Variants in TTC13 observed in about 807,000 individuals in gnomAD.
TTC13 encodes the protein tetratricopeptide repeat protein 13.
In TTC13, 62 loss-of-function variants were observed where a neutral mutation model predicts 120.0. The ratio of observed to expected loss-of-function variants is 0.52; its 90% CI spans 0.42 to 0.64. The LOEUF is 0.64. Among genes scored for constraint, TTC13 ranks in the 30% least tolerant of loss-of-function variants. The pLI is 0.00. For synonymous variants in TTC13, 384 were observed against 393.5 expected, an observed-to-expected ratio of 0.98 and a Z score of 0.28; for missense variants, 824 against 1,050.2, an observed-to-expected ratio of 0.78 and a Z score of 2.98.
At chr1:230,967,885 G>A (rs991506926) in intron 1 of TTC13, among the ~76,000 whole-genome samples, 29 of 152,184 alleles carry the variant, frequency 1.9e-4, no homozygotes, top group African/African-American at 6.3e-4. Context: ...CCTTGCTTAC[G>A]TCGTACAAGT....
rs1321435760 is a variant in TTC13, at chr1:230,912,537, A to T, written c.2229+86T>A. ...CAACCCAATTTCAAGCATAAGATGTACAATCTCAGTGAAAGGGCAGAGGTT... is the reference window on the plus strand; with the variant it reads ...CAACCCAATTTCAAGCATAAGATGTTCAATCTCAGTGAAAGGGCAGAGGTT... On this transcript the variant is annotated intron_variant, in intron 19 of 22. Coordinates refer to ENST00000366661, the MANE Select transcript of TTC13 (RefSeq NM_024525.5). 22 of 1,434,882 alleles carry T rather than the reference A, an allele frequency of 1.5e-5. No individual in the cohort carries two copies. In the Admixed American group the frequency reaches 4.2e-4, roughly 27 times the overall value. 88.9% of individuals were successfully genotyped at this position (1,434,882 alleles called of 1,614,324 possible). A position where few individuals can be genotyped will look rare whatever the true frequency, so the allele number is the denominator to read the frequency against.
At chr1:230,936,751 T>C (rs1674093477) in intron 8 of TTC13, 1 of 154,264 alleles carries the variant, frequency 6.5e-6, no homozygotes, top group African/African-American at 2.4e-5. Context: ...AGACCACCTT[T>C]AGGATATAAA....
chr1:230,973,243 A>G lies in TTC13; in HGVS notation c.271+5317T>C, dbSNP rs149839720. ...CTTCTATTGATTCTCTACCACCTCT[A>G]GGCATAGCAGTGATCTATGTGCTGT... On this transcript the variant is annotated intron_variant, in intron 1 of 22. Transcript: ENST00000366661. Among the ~76,000 whole-genome samples, 278 of 152,348 alleles carry G rather than the reference A, an allele frequency of 1.8e-3. 2 individuals are homozygous for G. The highest frequency in any genetic ancestry group is 6.5e-3 in the African/African-American group (272 of 41,566).
chr1:230,941,941 T>A (rs1050817913), intron 6 of TTC13, among the ~76,000 whole-genome samples: 1 of 152,100 alleles, frequency 6.6e-6, no homozygotes, highest in Non-Finnish European at 1.5e-5. Context: ...TCAGAAAGCA[T>A]GAAAGTGAAA....
intron 20 of TTC13, chr1:230,911,243 T>A (rs1671466373): frequency 3.1e-6 from 1 of 324,078 alleles, no homozygotes. Flanking sequence ...AATGGATGAA[T>A]CCCTATCCTA....
intron 17 of TTC13, among the ~76,000 whole-genome samples, chr1:230,918,426 C>G (rs1672253135): frequency 6.6e-6 from 1 of 152,186 alleles, no homozygotes; most frequent in Non-Finnish European, 1.5e-5. Flanking sequence ...TAGAGAAGGC[C>G]TGCCCCAATT....
At chr1:230,958,189 A>C (rs775823125) in intron 3 of TTC13, 35 bp downstream of exon 3, 1 of 1,604,352 alleles carries the variant, frequency 6.2e-7, no homozygotes, top group Non-Finnish European at 8.5e-7. Context: ...CTTTGAGGCA[A>C]ATATTACAGG....
chr1:230,945,342 G>A (rs1674884955), intron 5 of TTC13, 47 bp downstream of exon 5: 1 of 1,538,616 alleles, frequency 6.5e-7, no homozygotes, highest in Non-Finnish European at 9.0e-7. Flanking sequence ...CCTGGTCTGT[G>A]TCAGGTCATG....
intron 5 of TTC13, 33 bp downstream of exon 5, chr1:230,945,356 G>C (rs1674886974): frequency 6.3e-7 from 1 of 1,594,576 alleles, no homozygotes; most frequent in Non-Finnish European, 8.6e-7. Flanking sequence ...GGTCATGTAG[G>C]CGCTATGGCA....
At chr1:230,969,596 A>C (rs1677513143) in intron 1 of TTC13, among the ~76,000 whole-genome samples, 1 of 152,218 alleles carries the variant, frequency 6.6e-6, no homozygotes, top group Non-Finnish European at 1.5e-5. Flanking sequence ...ATTTAATTCT[A>C]GTATTTCTCT....
At chr1:230,925,186 C>G (rs1247307911) in intron 13 of TTC13, among the ~76,000 whole-genome samples, 2 of 152,152 alleles carry the variant, frequency 1.3e-5, no homozygotes, top group Non-Finnish European at 2.9e-5. Context: ...GTTGTCTGCT[C>G]CCAACTCTGC....
intron 2 of TTC13, 118 bp downstream of exon 2, chr1:230,961,091 T>C (rs1340353322): frequency 7.5e-6 from 5 of 665,168 alleles, no homozygotes; most frequent in African/African-American, 5.4e-5. Flanking sequence ...ATCTTTATCC[T>C]ATGCATGTAG....
At chr1:230,973,803 C>T (rs1334136760) in intron 1 of TTC13, among the ~76,000 whole-genome samples, 3 of 152,130 alleles carry the variant, frequency 2.0e-5, no homozygotes, top group Admixed American at 6.5e-5. Context: ...AGGGGCCGGG[C>T]GTGGTGGCTC....
chr1:230,949,967 T>C (rs750264203), intron 4 of TTC13, among the ~76,000 whole-genome samples: 21 of 152,240 alleles, frequency 1.4e-4, no homozygotes, highest in Non-Finnish European at 2.8e-4. Flanking sequence ...TCTTTCTTTT[T>C]AGAATTTTTT....
intron 4 of TTC13, among the ~76,000 whole-genome samples, chr1:230,950,412 T>A (rs973564318): frequency 5.9e-5 from 9 of 151,278 alleles, no homozygotes; most frequent in Non-Finnish European, 1.2e-4. Context: ...TGTGTCTACT[T>A]AGATGTCTCA....
intron 11 of TTC13, 87 bp from the exon 12 acceptor site, chr1:230,929,180 A>C (rs899245607): frequency 7.5e-7 from 1 of 1,336,186 alleles, no homozygotes; most frequent in South Asian, 1.4e-5. Context: ...ACTTTGTAAC[A>C]AGCTGTTCTT....
Position 230,912,622 on chromosome 1 carries a change from C to T in TTC13, c.2229+1G>A. 1 of 1,609,486 alleles carries T rather than the reference C, an allele frequency of 6.2e-7. No individual in the cohort carries two copies. The highest frequency in any genetic ancestry group is 1.1e-5 in the South Asian group (1 of 89,880). The stretch of plus-strand genomic sequence containing the variant: ...AAAAATGGAAACAAAGAGAAACCTA[C>T]CCCAAATTCTGATGAAAGAATCAAT... On this transcript the variant is annotated splice_donor_variant, in intron 19 of 22. Transcript: ENST00000366661. LOFTEE classifies it high-confidence loss of function.
rs1157551351 is a variant in TTC13, at chr1:230,942,161, C to A, written c.673-1605G>T. ...TTATTAGATATGCAAATTGTAAAGA[C>A]CTGTTAAATAATTCTTACCTAAATA... On this transcript the variant is annotated intron_variant, in intron 6 of 22. Transcript: ENST00000366661. This position sits in a 1 kb window ranked among gnomAD's most constrained non-coding sequence, Gnocchi z 4.0. Among the ~76,000 whole-genome samples the A allele has an allele frequency of 6.6e-6, 1 of 152,038 alleles. No individual in the cohort carries two copies. Among genetic ancestry groups the A allele is most frequent in the East Asian group, 1.9e-4 (1 of 5,194 alleles).
intron 1 of TTC13, among the ~76,000 whole-genome samples, chr1:230,964,166 C>T (rs1268411612): frequency 3.9e-5 from 6 of 152,160 alleles, no homozygotes; most frequent in Non-Finnish European, 7.3e-5. Flanking sequence ...AAAGGCTGCA[C>T]TTAACCATAC....
Sources: allele counts gnomAD v4.1 joint callset (sites outside exome capture counted in the v4.1 genomes callset), GRCh38; gene constraint gnomAD v4.1.1; non-coding constraint Gnocchi (gnomAD v3.1); transcripts MANE v1.5; gene names NCBI Gene and HGNC (gene_info 2026-07-23, HGNC 2026-07-21).